Variants in DLGAP1 observed in about 807,000 individuals in gnomAD.
The protein encoded by DLGAP1 is disks large-associated protein 1.
In DLGAP1, 11 loss-of-function variants were observed where a neutral mutation model predicts 90.8. The observed-to-expected ratio is 0.12, with a 90% CI of 0.08 to 0.20. The LOEUF is 0.20. Among genes scored for constraint, DLGAP1 ranks in the 10% least tolerant of loss-of-function variants. DLGAP1 has a pLI of 1.00. For synonymous variants in DLGAP1, 558 were observed against 540.7 expected (o/e 1.03, Z -0.44); for missense variants, 1,050 against 1,333.8 (o/e 0.79, Z 3.31).
intron 4 of DLGAP1, among the ~76,000 whole-genome samples, chr18:3,865,582 T>G (rs976752830): frequency 5.3e-5 from 8 of 152,180 alleles, no homozygotes; most frequent in Non-Finnish European, 8.8e-5. Flanking sequence ...TAAAAGAAAT[T>G]CTCATTTAAA....
At chr18:4,117,228 T>C (rs2076077094) in intron 2 of DLGAP1, among the ~76,000 whole-genome samples, 1 of 152,200 alleles carries the variant, frequency 6.6e-6, no homozygotes, top group Non-Finnish European at 1.5e-5. Context: ...ACTTCTAGCA[T>C]CCAGAATTTT....
At chr18:4,290,349 G>A (rs2079815190) in intron 1 of DLGAP1, among the ~76,000 whole-genome samples, 1 of 152,204 alleles carries the variant, frequency 6.6e-6, no homozygotes, top group Admixed American at 6.5e-5. Context: ...GAATATGGGT[G>A]TAAAACAGAG....
chr18:3,632,834 A>AT (rs536107913), intron 7 of DLGAP1, among the ~76,000 whole-genome samples: 2 of 152,014 alleles, frequency 1.3e-5, no homozygotes, highest in Admixed American at 6.6e-5. Flanking sequence ...AGGTGATGTA[A>AT]ATTTGGGCTG....
At chr18:3,822,941 T>A (rs1222956010) in intron 4 of DLGAP1, among the ~76,000 whole-genome samples, 1 of 151,778 alleles carries the variant, frequency 6.6e-6, no homozygotes, top group Non-Finnish European at 1.5e-5. Context: ...AATCCAGGAG[T>A]TCAAGACCAG....
intron 1 of DLGAP1, among the ~76,000 whole-genome samples, chr18:4,396,848 G>A (rs1456972148): frequency 6.6e-6 from 1 of 152,158 alleles, no homozygotes; most frequent in Non-Finnish European, 1.5e-5. Context: ...TTTGCTGACG[G>A]TTTCCCAAAC....
chr18:4,127,153 C>A (rs2076244759), intron 2 of DLGAP1, among the ~76,000 whole-genome samples: 1 of 152,140 alleles, frequency 6.6e-6, no homozygotes, highest in South Asian at 2.1e-4. Flanking sequence ...AGCAAGGTGG[C>A]AGTTCTGAAC....
At position 3,729,161 on chromosome 18, in the gene DLGAP1, G is replaced by C. The variant is rs1159219244; in HGVS notation, c.1565C>G (p.Thr522Ser). 2 of 1,611,118 alleles carry C rather than the reference G, an allele frequency of 1.2e-6. No individual in the cohort carries two copies. The highest frequency in any genetic ancestry group is 1.7e-6 in the Non-Finnish European group (2 of 1,178,716). Residue 522 changes from threonine (T) to serine (S), a missense_variant, in exon 7 of 13, where the codon ACC (threonine) becomes AGC (serine). Coordinates refer to ENST00000315677, the MANE Select transcript of DLGAP1 (RefSeq NM_004746.4). This position sits in a 1 kb window ranked among gnomAD's most constrained non-coding sequence, Gnocchi z 6.2. Reference sequence around the variant, plus strand: ...CGTGCTGCTCTGGATGGTCCTAACGGTGGTGGTGGTGCGCGGCGGCGAGGA... The same window carrying C: ...CGTGCTGCTCTGGATGGTCCTAACGCTGGTGGTGGTGCGCGGCGGCGAGGA... ...RSSSPPRTTT[T>S]VRTIQSSTVS...
chr18:3,844,522 C>A (rs2068896201), intron 4 of DLGAP1, among the ~76,000 whole-genome samples: 2 of 152,132 alleles, frequency 1.3e-5, no homozygotes, highest in South Asian at 4.1e-4. Context: ...ATAGAGTAAC[C>A]AAGGTAGCAA....
chr18:4,321,334 T>C (rs1288711444), intron 1 of DLGAP1, among the ~76,000 whole-genome samples: 1 of 152,234 alleles, frequency 6.6e-6, no homozygotes, highest in African/African-American at 2.4e-5. Flanking sequence ...TGTTACTAGA[T>C]TTTATGATCA....
chr18:3,773,801 G>A (rs574068416), intron 5 of DLGAP1, among the ~76,000 whole-genome samples: 109 of 152,304 alleles, frequency 7.2e-4, no homozygotes, highest in African/African-American at 2.6e-3. Context: ...ATTAATTCAA[G>A]CATATATTAG....
At chr18:3,832,728 C>T (rs2068099065) in intron 4 of DLGAP1, among the ~76,000 whole-genome samples, 1 of 150,990 alleles carries the variant, frequency 6.6e-6, no homozygotes, top group South Asian at 2.1e-4. Flanking sequence ...ATTTATGTGG[C>T]TTCCTAGTTT....
chr18:4,073,251 A>C lies in DLGAP1; in HGVS notation c.-158-68050T>G, dbSNP rs999326954. ...GTAACCAGGCTCTTAACTCATAACC[A>C]ATTTTTTGAAAAAGAGCAGGGCTTC... On this transcript the variant is annotated intron_variant, in intron 2 of 12. Transcript: ENST00000315677. 4.6e-5 allele frequency among the ~76,000 whole-genome samples: 7 copies of C among 152,324 alleles called. No individual in the cohort carries two copies. The South Asian group carries it at 8.3e-4, about 18-fold the overall frequency.
intron 7 of DLGAP1, among the ~76,000 whole-genome samples, chr18:3,647,265 A>AATAG (rs2059154447): frequency 6.7e-6 from 1 of 149,712 alleles, no homozygotes; most frequent in Non-Finnish European, 1.5e-5. Context: ...AAAATAAATA[A>AATAG]ATAAATAAAT....
At chr18:3,720,894 A>C (rs965572096) in intron 7 of DLGAP1, among the ~76,000 whole-genome samples, 1 of 145,638 alleles carries the variant, frequency 6.9e-6, no homozygotes, top group African/African-American at 2.6e-5. Flanking sequence ...TCTACAAAAA[A>C]AAAAAAAAAA....
Position 3,641,382 on chromosome 18 carries a change from C to A in DLGAP1, c.1592-59134G>T, listed in dbSNP as rs113213647. Among the ~76,000 whole-genome samples the A allele has an allele frequency of 5.5e-3, 836 of 151,338 alleles. 4 individuals are homozygous for A. The highest frequency in any genetic ancestry group is 9.6e-3 in the Non-Finnish European group (652 of 67,860). On this transcript the variant is annotated intron_variant, in intron 7 of 12. Coordinates refer to ENST00000315677, the MANE Select transcript of DLGAP1 (RefSeq NM_004746.4). ...GGAAATCCCGTCTCTACTAAAAATACAAAAATTAGCTGGGTGTGGTGGCGG... is the reference window on the plus strand; with the variant it reads ...GGAAATCCCGTCTCTACTAAAAATAAAAAAATTAGCTGGGTGTGGTGGCGG...
intron 1 of DLGAP1, among the ~76,000 whole-genome samples, chr18:4,397,195 T>C (rs1367811075): frequency 6.6e-6 from 1 of 152,206 alleles, no homozygotes; most frequent in Admixed American, 6.5e-5. Context: ...ATACCTAGTG[T>C]GTAGCATGTA....
intron 5 of DLGAP1, among the ~76,000 whole-genome samples, chr18:3,806,101 A>G (rs749982154): frequency 5.3e-5 from 8 of 152,202 alleles, no homozygotes; most frequent in Non-Finnish European, 8.8e-5. Flanking sequence ...AGCTTTTCTC[A>G]TTCCTGCAAA....
At chr18:4,071,227 T>C (rs1206121436) in intron 2 of DLGAP1, among the ~76,000 whole-genome samples, 2 of 76,636 alleles carry the variant, frequency 2.6e-5, no homozygotes, top group Non-Finnish European at 5.6e-5. Flanking sequence ...AAACTTTATA[T>C]AAAGATATAC....
intron 2 of DLGAP1, among the ~76,000 whole-genome samples, chr18:4,055,654 G>A (rs1321735628): frequency 6.6e-6 from 1 of 152,066 alleles, no homozygotes; most frequent in Non-Finnish European, 1.5e-5. Context: ...CCAGGGTCAC[G>A]ACTAACTGTA....
Sources: gnomAD v4.1 joint callset for allele counts (sites outside exome capture counted in the v4.1 genomes callset) on GRCh38, gnomAD v4.1.1 for gene constraint, Gnocchi (gnomAD v3.1) non-coding constraint, MANE v1.5 for transcripts, NCBI Gene and HGNC (gene_info 2026-07-23, HGNC 2026-07-21) for gene names.